ADAMTS19: variants seen among roughly 807,000 people sequenced by gnomAD.
ADAMTS19 encodes the protein ADAM metallopeptidase with thrombospondin type 1 motif 19, also known as A disintegrin and metalloproteinase with thrombospondin motifs 19.
In ADAMTS19, 93 loss-of-function variants were observed where a neutral mutation model predicts 153.3. The ratio of observed to expected loss-of-function variants is 0.61; its 90% CI spans 0.51 to 0.72. The LOEUF is 0.72. ADAMTS19 is among the 30% of genes least tolerant of loss of function. ADAMTS19 has a pLI of 0.00. For missense variants in ADAMTS19, 1,482 were observed against 1,552.1 expected (o/e 0.95, Z 0.76); for synonymous variants, 600 against 556.6 (o/e 1.08, Z -1.10).
intron 7 of ADAMTS19, among the ~76,000 whole-genome samples, chr5:129,574,140 TTA>T (rs1013362353): frequency 6.6e-6 from 1 of 152,062 alleles, no homozygotes; most frequent in African/African-American, 2.4e-5. Flanking sequence ...AAGCCACAGT[TTA>T]TGTTTAATGG....
At chr5:129,508,095 C>G (rs1476491119) in intron 2 of ADAMTS19, among the ~76,000 whole-genome samples, 2 of 151,602 alleles carry the variant, frequency 1.3e-5, no homozygotes, top group Admixed American at 1.3e-4. Flanking sequence ...ATAAGTGGAT[C>G]AAATTGAAAT....
At chr5:129,472,135 T>A (rs1750088532) in intron 2 of ADAMTS19, among the ~76,000 whole-genome samples, 1 of 152,250 alleles carries the variant, frequency 6.6e-6, no homozygotes, top group African/African-American at 2.4e-5. Context: ...CACTTCACTA[T>A]CTTCCACAAT....
chr5:129,731,516 A>C (rs1208178251), intron 21 of ADAMTS19, among the ~76,000 whole-genome samples: 2 of 152,128 alleles, frequency 1.3e-5, no homozygotes, highest in Non-Finnish European at 2.9e-5. Context: ...ATATATATGT[A>C]AATAAATTTT....
At chr5:129,510,856 G>T (rs939233924) in intron 3 of ADAMTS19, among the ~76,000 whole-genome samples, 54 of 141,150 alleles carry the variant, frequency 3.8e-4, no homozygotes, top group Admixed American at 2.6e-3. Context: ...AAGTTTCTGA[G>T]ATATATATAT....
chr5:129,724,385 A>C (rs373453695), intron 21 of ADAMTS19, among the ~76,000 whole-genome samples: 19 of 152,154 alleles, frequency 1.2e-4, no homozygotes, highest in African/African-American at 4.3e-4. Flanking sequence ...TTCCAAAGGG[A>C]GGAGGGTATA....
At chr5:129,520,166 C>A (rs969400700) in intron 3 of ADAMTS19, among the ~76,000 whole-genome samples, 2 of 152,088 alleles carry the variant, frequency 1.3e-5, no homozygotes, top group Non-Finnish European at 2.9e-5. Context: ...CTCCTTCCTG[C>A]CTCTAAGTCT....
At chr5:129,578,691 A>T (rs1211849685) in intron 7 of ADAMTS19, among the ~76,000 whole-genome samples, 1 of 151,742 alleles carries the variant, frequency 6.6e-6, no homozygotes, top group Non-Finnish European at 1.5e-5. Context: ...AACATGTGGT[A>T]TTTGGATTTC....
chr5:129,715,958 GGT>G (rs1398323808), intron 21 of ADAMTS19, among the ~76,000 whole-genome samples: 1 of 152,060 alleles, frequency 6.6e-6, no homozygotes. Flanking sequence ...CCTCTGTAAA[GGT>G]GTGTGAGAGA....
At chr5:129,734,765 A>G (rs1430462798) in intron 21 of ADAMTS19, among the ~76,000 whole-genome samples, 167 bp from the exon 22 acceptor site, 1 of 151,996 alleles carries the variant, frequency 6.6e-6, no homozygotes, top group Non-Finnish European at 1.5e-5. Context: ...ATTGTGCCCA[A>G]TTTATGAGCA....
At chr5:129,727,022 G>A (rs2127211704) in intron 21 of ADAMTS19, among the ~76,000 whole-genome samples, 1 of 152,192 alleles carries the variant, frequency 6.6e-6, no homozygotes, top group South Asian at 2.1e-4. Flanking sequence ...GTAAATATTT[G>A]TTGAATGAAT....
At chr5:129,551,608 G>A (rs1362431767) in intron 6 of ADAMTS19, among the ~76,000 whole-genome samples, 2 of 151,480 alleles carry the variant, frequency 1.3e-5, no homozygotes, top group Admixed American at 6.6e-5. Flanking sequence ...AAACAAGATG[G>A]GATCTTACTT....
chr5:129,609,660 A>T (rs537527434), intron 8 of ADAMTS19, among the ~76,000 whole-genome samples: 1 of 152,190 alleles, frequency 6.6e-6, no homozygotes, highest in South Asian at 2.1e-4. Flanking sequence ...GTTAACTTTC[A>T]TAATGAGACT....
chr5:129,464,165 G>T (rs1169355433), intron 2 of ADAMTS19, among the ~76,000 whole-genome samples: 1 of 152,234 alleles, frequency 6.6e-6, no homozygotes, highest in African/African-American at 2.4e-5. Flanking sequence ...TGTCTCCTAT[G>T]ACTAGGCCAG....
chr5:129,545,994 C>T (rs1168512649), intron 6 of ADAMTS19, among the ~76,000 whole-genome samples: 1 of 148,812 alleles, frequency 6.7e-6, no homozygotes, highest in Non-Finnish European at 1.5e-5. Flanking sequence ...CCCAAATGTC[C>T]AACAATGATA....
chr5:129,537,064 AT>A (rs200178883), intron 6 of ADAMTS19, among the ~76,000 whole-genome samples: 1 of 142,730 alleles, frequency 7.0e-6, no homozygotes, highest in African/African-American at 2.8e-5. Flanking sequence ...TATAATAATA[AT>A]TTAAAAAAAA....
At chr5:129,596,759 G>A in intron 8 of ADAMTS19, 95 bp downstream of exon 8, 1 of 952,248 alleles carries the variant, frequency 1.1e-6, no homozygotes, top group Non-Finnish European at 1.5e-6. Flanking sequence ...TTTTAATTTG[G>A]GCTTCAAGTT....
intron 2 of ADAMTS19, among the ~76,000 whole-genome samples, chr5:129,476,540 T>G (rs2126661642): frequency 6.6e-6 from 1 of 152,282 alleles, no homozygotes; most frequent in South Asian, 2.1e-4. Flanking sequence ...CATTCAGAGT[T>G]ATTCTCTAAA....
In ADAMTS19 at chr5:129,479,923, T is replaced by A. The variant is rs190964288; in HGVS notation, c.747+18166T>A. Among the ~76,000 whole-genome samples, 180 of 152,234 alleles carry A rather than the reference T, an allele frequency of 1.2e-3. 1 individual carries two copies. The East Asian group carries it at 0.019, about 16-fold the overall frequency. ...TTATAGATTTGGTACACTCATTTTTTAAAAAAACAAGCTTTTTGGGTAGAA... is the reference window on the plus strand; with the variant it reads ...TTATAGATTTGGTACACTCATTTTTAAAAAAAACAAGCTTTTTGGGTAGAA... On this transcript the variant is annotated intron_variant, in intron 2 of 22. Transcript: ENST00000274487.
intron 18 of ADAMTS19, among the ~76,000 whole-genome samples, chr5:129,686,514 G>T (rs886356129): frequency 6.6e-6 from 1 of 152,120 alleles, no homozygotes; most frequent in Non-Finnish European, 1.5e-5. Flanking sequence ...GAGGGGTCTG[G>T]TAGTGGCAGG....
Sources: gnomAD v4.1 joint callset for allele counts (sites outside exome capture counted in the v4.1 genomes callset) on GRCh38, gnomAD v4.1.1 for gene constraint, MANE v1.5 for transcripts, NCBI Gene and HGNC (gene_info 2026-07-23, HGNC 2026-07-21) for gene names.